EPHA6: variants seen among roughly 807,000 people sequenced by gnomAD.
The protein encoded by EPHA6 is ephrin type-A receptor 6.
EPHA6 carries 50 observed loss-of-function variants against 112.0 expected under a neutral mutation model. That is an observed-to-expected ratio of 0.45 (90% CI 0.36 to 0.56). The LOEUF is 0.56. Ranked by LOEUF, EPHA6 falls within the 20% of genes least tolerant of loss-of-function variation. EPHA6 has a pLI of 0.00. For missense variants in EPHA6, 1,280 were observed against 1,417.4 expected, an observed-to-expected ratio of 0.90 and a Z score of 1.56; for synonymous variants, 529 against 490.7, an observed-to-expected ratio of 1.08 and a Z score of -1.03.
At chr3:97,541,614 G>C (rs1296473151) in intron 11 of EPHA6, among the ~76,000 whole-genome samples, 1 of 151,922 alleles carries the variant, frequency 6.6e-6, no homozygotes, top group African/African-American at 2.4e-5. Context: ...TCAAATCTGT[G>C]ACAATTCTTC....
intron 6 of EPHA6, among the ~76,000 whole-genome samples, chr3:97,437,317 G>C (rs1215974237): frequency 1.3e-5 from 2 of 152,010 alleles, no homozygotes; most frequent in Non-Finnish European, 2.9e-5. Context: ...CCCAAAATTA[G>C]ATATAATTAA....
chr3:96,901,634 A>G (rs1053796499), intron 2 of EPHA6, among the ~76,000 whole-genome samples: 1 of 152,164 alleles, frequency 6.6e-6, no homozygotes, highest in Non-Finnish European at 1.5e-5. Flanking sequence ...TTTGTTGCCA[A>G]AAGGCTGAGA....
chr3:97,204,415 A>G (rs2077661603), intron 3 of EPHA6, among the ~76,000 whole-genome samples: 1 of 152,110 alleles, frequency 6.6e-6, no homozygotes, highest in Non-Finnish European at 1.5e-5. Context: ...TAGTTGTACA[A>G]GACAAGTATT....
intron 2 of EPHA6, among the ~76,000 whole-genome samples, chr3:96,981,909 A>G (rs1313521730): frequency 1.3e-5 from 2 of 151,976 alleles, no homozygotes; most frequent in East Asian, 3.9e-4. Flanking sequence ...TATCCCCTTT[A>G]TCATTTTTTA....
chr3:97,716,973 G>T (rs930647059), intron 14 of EPHA6, among the ~76,000 whole-genome samples: 1 of 152,254 alleles, frequency 6.6e-6, no homozygotes, highest in Non-Finnish European at 1.5e-5. Flanking sequence ...CACTTTGGGA[G>T]GCCAAGGTGG....
chr3:97,400,901 TTC>T (rs1285293680), intron 5 of EPHA6, among the ~76,000 whole-genome samples: 1 of 151,748 alleles, frequency 6.6e-6, no homozygotes, highest in Admixed American at 6.6e-5. Context: ...TTTGGATACC[TTC>T]TCTTTCTTTC....
intron 3 of EPHA6, among the ~76,000 whole-genome samples, chr3:97,083,386 C>T (rs2046786001): frequency 6.6e-6 from 1 of 151,822 alleles, no homozygotes; most frequent in South Asian, 2.1e-4. Flanking sequence ...GATTATTGAC[C>T]ATTCGTTAGC....
intron 2 of EPHA6, among the ~76,000 whole-genome samples, chr3:96,968,548 C>T (rs1325452934): frequency 1.3e-5 from 2 of 151,600 alleles, no homozygotes; most frequent in Non-Finnish European, 3.0e-5. Context: ...TCATTTTTGT[C>T]AAGTACTTAG....
At chr3:97,650,359 G>A (rs1288611983) in intron 14 of EPHA6, among the ~76,000 whole-genome samples, 2 of 151,902 alleles carry the variant, frequency 1.3e-5, no homozygotes, top group Admixed American at 6.6e-5. Flanking sequence ...TGGAAAGTGG[G>A]GATTAATGCA....
chr3:97,361,338 A>G (rs2084362120), intron 5 of EPHA6, among the ~76,000 whole-genome samples: 1 of 152,196 alleles, frequency 6.6e-6, no homozygotes, highest in Admixed American at 6.5e-5. Flanking sequence ...CAAGTGATCA[A>G]GTCTTTTTAA....
chr3:97,522,170 T>C (rs1053226879), intron 10 of EPHA6, among the ~76,000 whole-genome samples: 3 of 152,074 alleles, frequency 2.0e-5, no homozygotes, highest in Admixed American at 1.3e-4. Context: ...CCTCAGCCTC[T>C]CAATTAGCTA....
Position 96,832,396 on chromosome 3 carries a change from C to G in EPHA6, c.385+17388C>G, listed in dbSNP as rs1287656455. Reference sequence around the variant, plus strand: ...GTCCCAATAGAATAGCATATATTTTCTTTTCCCCAAGTGTAATTTGTAACA... The same window carrying G: ...GTCCCAATAGAATAGCATATATTTTGTTTTCCCCAAGTGTAATTTGTAACA... On this transcript the variant is annotated intron_variant, in intron 1 of 17. Coordinates refer to ENST00000389672, the MANE Select transcript of EPHA6 (RefSeq NM_001080448.3). Among the ~76,000 whole-genome samples, 6 of 151,944 alleles carry G rather than the reference C, an allele frequency of 3.9e-5. No individual in the cohort carries two copies. In the East Asian group the frequency reaches 1.2e-3, roughly 29 times the overall value.
rs2035888925 is a variant in EPHA6, at chr3:97,751,061, A to C, written c.*2360A>C. 6.6e-6 allele frequency among the ~76,000 whole-genome samples: 1 copy of C among 152,152 alleles called. No homozygotes were observed. Among genetic ancestry groups the C allele is most frequent in the Non-Finnish European group, 1.5e-5 (1 of 68,016 alleles). On this transcript the variant is annotated 3_prime_UTR_variant, in exon 18 of 18. Transcript: ENST00000389672. ...TTAAATAAGAACAGATATAAAACAG[A>C]TTAAATTTATTAATCATATATTTAT...
chr3:97,130,134 G>A (rs757794383), intron 3 of EPHA6, among the ~76,000 whole-genome samples: 5 of 151,906 alleles, frequency 3.3e-5, no homozygotes, highest in Admixed American at 1.3e-4. Flanking sequence ...TCTTTTTCTC[G>A]GGTGGTGGTA....
Position 97,479,323 on chromosome 3 carries a change from A to T in EPHA6, c.2033A>T (p.Lys678Met). 4 of 1,604,104 alleles carry T rather than the reference A, an allele frequency of 2.5e-6. No homozygotes were observed. ...RCQWYIKAKM[K>M]SEEKRRNHLQ... ...CAGTGGTACATAAAAGCCAAGATGA[A>T]GTCAGAAGAGAAGAGAAGAAACCAC... Residue 678 changes from lysine (K) to methionine (M), a missense_variant, in exon 9 of 18, where the codon AAG becomes ATG. Around this residue, in one of 4 missense-constraint regions of EPHA6, gnomAD observed 878 missense variants for 999.7 expected, o/e 0.88. Coordinates refer to ENST00000389672, the MANE Select transcript of EPHA6 (RefSeq NM_001080448.3).
intron 3 of EPHA6, chr3:97,010,165 A>C: frequency 2.9e-6 from 3 of 1,048,034 alleles, no homozygotes; most frequent in Non-Finnish European, 3.8e-6. Context: ...TTGTGTTTTC[A>C]TTAAGAAGAC....
intron 2 of EPHA6, among the ~76,000 whole-genome samples, chr3:96,920,542 C>G (rs1169792557): frequency 6.6e-6 from 1 of 152,034 alleles, no homozygotes; most frequent in Admixed American, 6.6e-5. Flanking sequence ...TTTACAAAAA[C>G]AAATCAACCA....
At chr3:96,877,485 G>T (rs1005005394) in intron 2 of EPHA6, among the ~76,000 whole-genome samples, 1 of 151,886 alleles carries the variant, frequency 6.6e-6, no homozygotes, top group African/African-American at 2.4e-5. Flanking sequence ...AATCACATCT[G>T]GGAATTATTC....
rs543741908 is a variant in EPHA6 at position 97,175,916 on chromosome 3, C to G, written c.1115-50348C>G. 2.6e-5 allele frequency among the ~76,000 whole-genome samples: 4 copies of G among 151,916 alleles called. No individual in the cohort carries two copies. In the South Asian group the frequency reaches 8.3e-4, roughly 31 times the overall value. Reference sequence around the variant, plus strand: ...TATAACCTTCTCTTTTCTGATTGCTCTAGATAGGCCTTCCAGTACTATGCT... The same window carrying G: ...TATAACCTTCTCTTTTCTGATTGCTGTAGATAGGCCTTCCAGTACTATGCT... On this transcript the variant is annotated intron_variant, in intron 3 of 17. Coordinates refer to ENST00000389672, the MANE Select transcript of EPHA6 (RefSeq NM_001080448.3).
Sources: allele counts gnomAD v4.1 joint callset (sites outside exome capture counted in the v4.1 genomes callset), GRCh38; gene constraint gnomAD v4.1.1; regional missense constraint gnomAD v4.1.1; transcripts MANE v1.5; gene names NCBI Gene and HGNC (gene_info 2026-07-23, HGNC 2026-07-21).